Variants in SH3GL2 observed in about 807,000 individuals in gnomAD.
The protein encoded by SH3GL2 is SH3 domain containing GRB2 like 2, endophilin A1.
A neutral mutation model predicts 46.0 loss-of-function variants in SH3GL2; 24 were observed. The observed-to-expected ratio is 0.52, with a 90% CI of 0.38 to 0.73. The LOEUF is 0.73. SH3GL2 is among the 30% of genes least tolerant of loss of function. The pLI is 0.00. For missense variants in SH3GL2, 413 were observed against 424.2 expected (o/e 0.97, Z 0.23); for synonymous variants, 196 against 147.1 (o/e 1.33, Z -2.40).
At chr9:17,604,083 C>T (rs1044914062) in intron 1 of SH3GL2, among the ~76,000 whole-genome samples, 3 of 152,180 alleles carry the variant, frequency 2.0e-5, no homozygotes, top group African/African-American at 4.8e-5. Context: ...TACAAAACTG[C>T]TGGTGGGAAG....
At chr9:17,729,858 G>A (rs767634388) in intron 1 of SH3GL2, among the ~76,000 whole-genome samples, 8 of 151,914 alleles carry the variant, frequency 5.3e-5, no homozygotes, top group East Asian at 1.9e-4. Context: ...TTTTGGTTAC[G>A]GTAGCCTTGT....
chr9:17,762,206 C>T (rs7020594), intron 3 of SH3GL2, among the ~76,000 whole-genome samples: 117,721 of 151,698 alleles, frequency 0.78, 46,242 homozygotes, highest in East Asian at 0.96. Flanking sequence ...CCACAGGGCA[C>T]GGAAACGGGA....
intron 1 of SH3GL2, among the ~76,000 whole-genome samples, chr9:17,584,532 C>T (rs1195471364): frequency 6.6e-6 from 1 of 152,096 alleles, no homozygotes; most frequent in Non-Finnish European, 1.5e-5. Flanking sequence ...TTCATCATGT[C>T]ATCAGGAGAA....
chr9:17,795,699 T>G lies in SH3GL2; in HGVS notation c.1015T>G (p.Phe339Val). 1 of 1,614,068 alleles carries G rather than the reference T, an allele frequency of 6.2e-7. No individual in the cohort carries two copies. The highest frequency in any genetic ancestry group is 8.5e-7 in the Non-Finnish European group (1 of 1,179,948). ...GATGCTGCATGGCCATTCAGGCTTC[T>G]TCCCCATCAATTATGTGGAAATTCT... is the stretch of plus-strand genomic sequence containing the variant. ...EGMLHGHSGF[F>V]PINYVEILVA... The change falls in exon 9 of 9, where the codon TTC (phenylalanine) becomes GTC (valine). Residue 339 changes from phenylalanine to valine, a missense_variant. By Grantham distance (50) the Phe-to-Val change is conservative. Coordinates refer to ENST00000380607, the MANE Select transcript of SH3GL2 (RefSeq NM_003026.5).
intron 2 of SH3GL2, among the ~76,000 whole-genome samples, chr9:17,758,501 G>A (rs1445689245): frequency 7.1e-6 from 1 of 141,826 alleles, no homozygotes. Flanking sequence ...GGAGGAGGTT[G>A]CGGTGAGCTG....
chr9:17,728,848 GC>G (rs1822094969), intron 1 of SH3GL2, among the ~76,000 whole-genome samples: 1 of 152,184 alleles, frequency 6.6e-6, no homozygotes, highest in East Asian at 1.9e-4. Context: ...GTGTATATGT[GC>G]CACATTTTCT....
intron 1 of SH3GL2, among the ~76,000 whole-genome samples, chr9:17,697,467 C>A: frequency 6.6e-6 from 1 of 152,092 alleles, no homozygotes; most frequent in Non-Finnish European, 1.5e-5. Flanking sequence ...CGTGATCCGC[C>A]CACCTTGGCC....
intron 1 of SH3GL2, among the ~76,000 whole-genome samples, chr9:17,681,186 T>C (rs1006700541): frequency 1.3e-5 from 2 of 152,150 alleles, no homozygotes; most frequent in African/African-American, 4.8e-5. Flanking sequence ...GAAATAATTT[T>C]AGGAAAGGTA....
intron 1 of SH3GL2, among the ~76,000 whole-genome samples, chr9:17,591,902 T>A (rs1364120166): frequency 1.3e-5 from 2 of 152,232 alleles, no homozygotes; most frequent in African/African-American, 4.8e-5. Context: ...ATCATTCAGT[T>A]GTATCTTCAT....
intron 1 of SH3GL2, among the ~76,000 whole-genome samples, chr9:17,746,403 A>G (rs1406549612): frequency 6.6e-6 from 1 of 152,172 alleles, no homozygotes; most frequent in Admixed American, 6.5e-5. Flanking sequence ...TGAATTTTAC[A>G]TGTGGTTAGT....
intron 1 of SH3GL2, among the ~76,000 whole-genome samples, chr9:17,696,215 A>G (rs10963214): frequency 5.9e-5 from 9 of 152,168 alleles, no homozygotes; most frequent in Admixed American, 2.0e-4. Context: ...GAACATTTTT[A>G]AAATCTAGCT....
At chr9:17,608,419 T>C (rs1818800767) in intron 1 of SH3GL2, among the ~76,000 whole-genome samples, 1 of 152,168 alleles carries the variant, frequency 6.6e-6, no homozygotes, top group African/African-American at 2.4e-5. Context: ...GTGTAAACTT[T>C]CCTCTTAACG....
intron 1 of SH3GL2, among the ~76,000 whole-genome samples, chr9:17,727,718 T>C (rs771874022): frequency 3.3e-5 from 5 of 152,306 alleles, no homozygotes; most frequent in Admixed American, 6.5e-5. Flanking sequence ...GGAGCAGTGC[T>C]GAGGCATGTT....
intron 3 of SH3GL2, among the ~76,000 whole-genome samples, chr9:17,769,207 G>T (rs1823401883): frequency 6.6e-6 from 1 of 152,162 alleles, no homozygotes; most frequent in Non-Finnish European, 1.5e-5. Flanking sequence ...CACTTCAGAT[G>T]TACATTTACT....
intron 3 of SH3GL2, among the ~76,000 whole-genome samples, chr9:17,784,747 T>C (rs1460496245): frequency 6.6e-6 from 1 of 152,190 alleles, no homozygotes; most frequent in Non-Finnish European, 1.5e-5. Flanking sequence ...AGACAGGCTC[T>C]TGCTGTGTCA....
At chr9:17,627,349 A>G (rs1819306658) in intron 1 of SH3GL2, among the ~76,000 whole-genome samples, 1 of 152,136 alleles carries the variant, frequency 6.6e-6, no homozygotes, top group African/African-American at 2.4e-5. Flanking sequence ...GAATAATGGC[A>G]GAGCTCTCAG....
intron 3 of SH3GL2, among the ~76,000 whole-genome samples, chr9:17,771,177 G>A (rs559345442): frequency 6.6e-6 from 1 of 152,230 alleles, no homozygotes; most frequent in South Asian, 2.1e-4. Context: ...TAGGCTCCTT[G>A]GATACCTTAC....
At chr9:17,604,374 G>A (rs1272198633) in intron 1 of SH3GL2, among the ~76,000 whole-genome samples, 3 of 152,162 alleles carry the variant, frequency 2.0e-5, no homozygotes, top group Non-Finnish European at 2.9e-5. Flanking sequence ...GGTTGTTATG[G>A]GGATTAACTG....
intron 1 of SH3GL2, among the ~76,000 whole-genome samples, chr9:17,603,021 C>T (rs908844050): frequency 6.6e-6 from 1 of 152,182 alleles, no homozygotes; most frequent in African/African-American, 2.4e-5. Flanking sequence ...TGGGCCCAGT[C>T]ATGGAACAGT....
Sources: allele counts gnomAD v4.1 joint callset (sites outside exome capture counted in the v4.1 genomes callset), GRCh38; gene constraint gnomAD v4.1.1; transcripts MANE v1.5; gene names NCBI Gene and HGNC (gene_info 2026-07-23, HGNC 2026-07-21).